NOS1AP: variants seen among roughly 807,000 people sequenced by gnomAD.
NOS1AP encodes carboxyl-terminal PDZ ligand of neuronal nitric oxide synthase protein.
A neutral mutation model predicts 56.2 loss-of-function variants in NOS1AP; 21 were observed. The observed-to-expected ratio is 0.37, with a 90% CI of 0.26 to 0.54. NOS1AP has a LOEUF of 0.54. Among genes scored for constraint, NOS1AP ranks in the 20% least tolerant of loss-of-function variants. The pLI is 0.84. For synonymous variants in NOS1AP, 270 were observed against 274.6 expected (o/e 0.98, Z 0.17); for missense variants, 522 against 657.8 (o/e 0.79, Z 2.26).
chr1:162,233,738 A>C (rs1348860542), intron 2 of NOS1AP, among the ~76,000 whole-genome samples: 1 of 152,122 alleles, frequency 6.6e-6, no homozygotes, highest in Non-Finnish European at 1.5e-5. Context: ...AGTGTTTTGA[A>C]CTCAAGCCTC....
intron 5 of NOS1AP, among the ~76,000 whole-genome samples, chr1:162,341,324 T>G (rs1023241047): frequency 6.6e-6 from 1 of 152,182 alleles, no homozygotes; most frequent in Non-Finnish European, 1.5e-5. Flanking sequence ...TCTATATAAC[T>G]GTATTTTAAA....
chr1:162,360,968 TGGGTGGGTTGA>T (rs1657880889), intron 8 of NOS1AP: 3 of 455,252 alleles, frequency 6.6e-6, no homozygotes, highest in African/African-American at 6.0e-5. Context: ...CTGGTGTGGC[TGGGTGGGTTGA>T]GGGTGGGTTT....
intron 2 of NOS1AP, among the ~76,000 whole-genome samples, chr1:162,247,651 A>G (rs1329220338): frequency 6.6e-6 from 1 of 152,122 alleles, no homozygotes; most frequent in African/African-American, 2.4e-5. Context: ...TTCTACATGT[A>G]TCAGGCTTGA....
At chr1:162,246,086 A>G (rs1027592701) in intron 2 of NOS1AP, among the ~76,000 whole-genome samples, 10 of 152,246 alleles carry the variant, frequency 6.6e-5, no homozygotes, top group African/African-American at 2.2e-4. Context: ...ATGGGAACCA[A>G]GAAAAGAAAA....
At position 162,233,352 on chromosome 1, in the gene NOS1AP, G is replaced by A. The variant is rs558752845; in HGVS notation, c.178-53992G>A. 2.8e-4 allele frequency among the ~76,000 whole-genome samples: 43 copies of A among 152,278 alleles called. 1 individual carries two copies. In the South Asian group the frequency reaches 8.3e-3, roughly 29 times the overall value. On this transcript the variant is annotated intron_variant, in intron 2 of 9. Coordinates refer to ENST00000361897, the MANE Select transcript of NOS1AP (RefSeq NM_014697.3). Reference sequence around the variant, plus strand: ...CTGGCGGGGTAGTTGTACTGCTGTGGCTCTGACTCTCCCAGGAGGGTCAGA... The same window carrying A: ...CTGGCGGGGTAGTTGTACTGCTGTGACTCTGACTCTCCCAGGAGGGTCAGA...
At chr1:162,166,747 TA>T (rs2102121164) in intron 2 of NOS1AP, among the ~76,000 whole-genome samples, 1 of 152,284 alleles carries the variant, frequency 6.6e-6, no homozygotes, top group East Asian at 1.9e-4. Context: ...CTGTTAGAAG[TA>T]AATGCAATAA....
chr1:162,361,877 A>G (rs1486790386), intron 8 of NOS1AP, among the ~76,000 whole-genome samples: 2 of 152,194 alleles, frequency 1.3e-5, no homozygotes, highest in Non-Finnish European at 2.9e-5. Context: ...TTCACCCTCA[A>G]TTCTAATTCT....
At chr1:162,268,316 C>A (rs1654487621) in intron 2 of NOS1AP, among the ~76,000 whole-genome samples, 2 of 144,360 alleles carry the variant, frequency 1.4e-5, no homozygotes, top group African/African-American at 4.9e-5. Context: ...CTGTAGCTCC[C>A]CCCCCCTATT....
intron 1 of NOS1AP, among the ~76,000 whole-genome samples, chr1:162,139,655 G>A (rs1026743600): frequency 2.4e-4 from 37 of 152,246 alleles, no homozygotes; most frequent in African/African-American, 7.9e-4. Context: ...TTAGCTCTGT[G>A]GTATGTAATT....
chr1:162,324,622 A>T (rs1656525990), intron 4 of NOS1AP, among the ~76,000 whole-genome samples: 2 of 152,154 alleles, frequency 1.3e-5, no homozygotes, highest in African/African-American at 4.8e-5. Flanking sequence ...GATGTAGGCC[A>T]TGAGGGTGCC....
chr1:162,155,592 T>G (rs1041321629), intron 2 of NOS1AP, among the ~76,000 whole-genome samples: 2 of 152,078 alleles, frequency 1.3e-5, no homozygotes, highest in African/African-American at 4.8e-5. Context: ...CCATTTTGTC[T>G]ACTTTCGGAA....
intron 2 of NOS1AP, among the ~76,000 whole-genome samples, chr1:162,175,356 G>T (rs1309040922): frequency 1.3e-5 from 2 of 152,156 alleles, no homozygotes; most frequent in Non-Finnish European, 2.9e-5. Context: ...AAGAATCATG[G>T]ATATTTGTTT....
intron 2 of NOS1AP, among the ~76,000 whole-genome samples, chr1:162,165,596 C>T (rs1650454471): frequency 6.6e-6 from 1 of 152,282 alleles, no homozygotes; most frequent in Admixed American, 6.5e-5. Context: ...CACTTCTAAG[C>T]TTGAACGTGG....
chr1:162,098,400 T>C (rs907657286), intron 1 of NOS1AP, among the ~76,000 whole-genome samples: 2 of 152,124 alleles, frequency 1.3e-5, no homozygotes, highest in South Asian at 2.1e-4. Context: ...AGCCACTGCA[T>C]CTGGCTGATA....
At chr1:162,232,362 C>T (rs781761935) in intron 2 of NOS1AP, among the ~76,000 whole-genome samples, 1 of 152,184 alleles carries the variant, frequency 6.6e-6, no homozygotes, top group Non-Finnish European at 1.5e-5. Flanking sequence ...ACATTGTTCA[C>T]TTCCTTTTTT....
At chr1:162,179,582 A>G (rs1195094211) in intron 2 of NOS1AP, among the ~76,000 whole-genome samples, 2 of 152,200 alleles carry the variant, frequency 1.3e-5, no homozygotes, top group Admixed American at 1.3e-4. Context: ...TGCAAAAACA[A>G]TTCAGTGAGA....
intron 1 of NOS1AP, among the ~76,000 whole-genome samples, chr1:162,106,025 G>T (rs1647493868): frequency 6.6e-6 from 1 of 152,184 alleles, no homozygotes; most frequent in Non-Finnish European, 1.5e-5. Flanking sequence ...AAAACTCCTG[G>T]GTCTCTGTGT....
intron 2 of NOS1AP, among the ~76,000 whole-genome samples, chr1:162,237,850 A>C (rs1044665214): frequency 7.9e-6 from 1 of 126,926 alleles, no homozygotes; most frequent in African/African-American, 2.6e-5. Flanking sequence ...TTTGGTCCCC[A>C]GTAGAAATGG....
At position 162,365,407 on chromosome 1, in the gene NOS1AP, C is replaced by T; in HGVS notation, c.943C>T (p.His315Tyr). The change falls in exon 9 of 10, where the codon CAC becomes TAC. Residue 315 changes from histidine to tyrosine, a missense_variant. By Grantham distance (83) the His-to-Tyr change is moderately conservative (BLOSUM62 2). This residue lies in a region of NOS1AP where 52 missense variants were observed against 94.5 expected (regional missense o/e 0.55). Coordinates refer to ENST00000361897, the MANE Select transcript of NOS1AP (RefSeq NM_014697.3). The part of the protein sequence containing the change: ...QQTQVAVAQV[H>Y]LLKDQLAAEA... ...TGCCGCTGCCTCTTCTCTGCAGGTA[C>T]ACTTGCTGAAGGACCAGTTGGCTGC... 1 of 1,614,168 alleles carries T rather than the reference C, an allele frequency of 6.2e-7. No individual in the cohort carries two copies. Among genetic ancestry groups the T allele is most frequent in the Non-Finnish European group, 8.5e-7 (1 of 1,180,056 alleles).
Sources: gnomAD v4.1 joint callset for allele counts (sites outside exome capture counted in the v4.1 genomes callset) on GRCh38, gnomAD v4.1.1 for gene constraint, gnomAD v4.1.1 regional missense constraint, MANE v1.5 for transcripts, NCBI Gene and HGNC (gene_info 2026-07-23, HGNC 2026-07-21) for gene names.